Variants in WWP2 observed in about 807,000 individuals in gnomAD.
The protein encoded by WWP2 is WW domain containing E3 ubiquitin protein ligase 2.
A neutral mutation model predicts 121.0 loss-of-function variants in WWP2; 57 were observed. The observed-to-expected ratio is 0.47, with a 90% CI of 0.38 to 0.59. The LOEUF is 0.59. Ranked by LOEUF, WWP2 falls within the 20% of genes least tolerant of loss-of-function variation. The pLI is 0.00. For synonymous variants in WWP2, 449 were observed against 441.3 expected, an observed-to-expected ratio of 1.02 and a Z score of -0.22; for missense variants, 962 against 1,158.9, an observed-to-expected ratio of 0.83 and a Z score of 2.47.
intron 6 of WWP2, among the ~76,000 whole-genome samples, chr16:69,866,223 A>C (rs1392642320): frequency 2.6e-5 from 4 of 152,006 alleles, no homozygotes; most frequent in Non-Finnish European, 5.9e-5. Context: ...CAGGAGTTTA[A>C]AATTTTTGAT....
intron 10 of WWP2, 63 bp downstream of exon 10, chr16:69,917,946 A>G (rs202206764): frequency 1.4e-5 from 14 of 1,014,016 alleles, no homozygotes; most frequent in Non-Finnish European, 1.9e-5. Flanking sequence ...ATGTGCAGCC[A>G]CGTGTTCTCT....
chr16:69,788,408 C>T (rs959249504), intron 2 of WWP2, among the ~76,000 whole-genome samples: 2 of 152,170 alleles, frequency 1.3e-5, no homozygotes, highest in South Asian at 4.1e-4. Context: ...AGCCGAAGCT[C>T]CCATGTGATG....
intron 8 of WWP2, among the ~76,000 whole-genome samples, chr16:69,899,357 A>G (rs1342720804): frequency 6.6e-6 from 1 of 152,120 alleles, no homozygotes; most frequent in African/African-American, 2.4e-5. Context: ...CAACAACAAC[A>G]ACAACACAAA....
In WWP2 at chr16:69,799,302, A is replaced by G. The variant is rs942131533; in HGVS notation, c.340+7A>G. On this transcript the variant is annotated splice_region_variant and intron_variant, in intron 4 of 23. Transcript: ENST00000359154. The surrounding 1 kb of genome is among the most constrained non-coding windows in gnomAD (Gnocchi z 4.5). Reference sequence around the variant, plus strand: ...AAGAACAATGGGGGCAAAAGTACGTATGATGAAGGGGGTGCCGACGTGATT... The same window carrying G: ...AAGAACAATGGGGGCAAAAGTACGTGTGATGAAGGGGGTGCCGACGTGATT... 73 of 1,612,750 alleles carry G rather than the reference A, an allele frequency of 4.5e-5. No homozygotes were observed. Among genetic ancestry groups the G allele is most frequent in the Non-Finnish European group, 5.6e-5 (66 of 1,179,498 alleles).
At chr16:69,917,621 G>A (rs138376334) in intron 9 of WWP2, 88 bp from the exon 10 acceptor site, 17 of 1,492,568 alleles carry the variant, frequency 1.1e-5, no homozygotes, top group African/African-American at 1.1e-4. Context: ...GGGCCTGCCC[G>A]GCTGTGCTAG....
At chr16:69,842,514 A>G (rs140738594) in intron 6 of WWP2, among the ~76,000 whole-genome samples, 65 of 151,966 alleles carry the variant, frequency 4.3e-4, no homozygotes, top group African/African-American at 1.5e-3. Context: ...AGTGTTTATT[A>G]TTTCTATCTT....
chr16:69,847,386 TTTTA>T (rs954180007), intron 6 of WWP2, among the ~76,000 whole-genome samples: 3 of 147,872 alleles, frequency 2.0e-5, no homozygotes, highest in Non-Finnish European at 4.5e-5. Context: ...TGCCCTGCCT[TTTTA>T]TTTATTTTTC....
At chr16:69,818,655 A>G (rs115756693) in intron 4 of WWP2, among the ~76,000 whole-genome samples, 2,947 of 152,180 alleles carry the variant, frequency 0.019, 83 homozygotes, top group African/African-American at 0.064. Flanking sequence ...GACACAATGA[A>G]TCGATCCTTC....
At chr16:69,903,721 T>C (rs2058241567) in intron 8 of WWP2, among the ~76,000 whole-genome samples, 1 of 151,018 alleles carries the variant, frequency 6.6e-6, no homozygotes, top group Non-Finnish European at 1.5e-5. Flanking sequence ...TGAGCCGAGA[T>C]TGCGCCACTG....
At chr16:69,833,082 C>T (rs1203596428) in intron 4 of WWP2, among the ~76,000 whole-genome samples, 2 of 152,146 alleles carry the variant, frequency 1.3e-5, no homozygotes, top group Non-Finnish European at 2.9e-5. Flanking sequence ...TGGTCTCAAA[C>T]TCTTGGACTC....
rs373476876 is a variant in WWP2 at position 69,788,786 on chromosome 16, A to G, written c.70+1706A>G. Among the ~76,000 whole-genome samples, 141 of 152,246 alleles carry G rather than the reference A, an allele frequency of 9.3e-4. 2 individuals carry two copies. The South Asian group carries it at 0.028, about 30-fold the overall frequency. Reference sequence around the variant, plus strand: ...GTAAGAGATTTTTGTCGCTTTGGTCACTGTTAACTACCCCAGCCAGTAGAA... The same window carrying G: ...GTAAGAGATTTTTGTCGCTTTGGTCGCTGTTAACTACCCCAGCCAGTAGAA... On this transcript the variant is annotated intron_variant, in intron 2 of 23. Coordinates refer to ENST00000359154, the MANE Select transcript of WWP2 (RefSeq NM_001270454.2).
chr16:69,818,943 G>A (rs985552529), intron 4 of WWP2, among the ~76,000 whole-genome samples: 2 of 152,134 alleles, frequency 1.3e-5, no homozygotes, highest in Admixed American at 1.3e-4. Context: ...CAGTATTTAC[G>A]TCTAATTAAC....
intron 2 of WWP2, among the ~76,000 whole-genome samples, chr16:69,797,840 A>G (rs1356398739): frequency 6.6e-6 from 1 of 152,048 alleles, no homozygotes; most frequent in Non-Finnish European, 1.5e-5. Flanking sequence ...GTGAGCCGAG[A>G]TTGTGGCATT....
intron 4 of WWP2, among the ~76,000 whole-genome samples, chr16:69,823,901 C>T (rs1250113541): frequency 1.3e-5 from 2 of 152,238 alleles, no homozygotes; most frequent in African/African-American, 4.8e-5. Context: ...GGCACAGGGG[C>T]GTTGGGCCAT....
intron 10 of WWP2, among the ~76,000 whole-genome samples, chr16:69,922,718 G>C (rs2058581168): frequency 2.0e-5 from 3 of 152,090 alleles, no homozygotes; most frequent in Non-Finnish European, 4.4e-5. Context: ...ATTTCTTCTT[G>C]TTCCTTCCTT....
At chr16:69,880,827 A>G (rs1264409013) in intron 7 of WWP2, among the ~76,000 whole-genome samples, 2 of 152,156 alleles carry the variant, frequency 1.3e-5, no homozygotes, top group Admixed American at 6.6e-5. Context: ...TTCTGTTGTT[A>G]TTGGTGCTGG....
rs921949426 is a variant in WWP2, at chr16:69,940,032, C to T, written c.*92C>T. The T allele has an allele frequency of 9.4e-7, 1 of 1,061,624 alleles. No homozygotes were observed. The highest frequency in any genetic ancestry group is 1.6e-5 in the African/African-American group (1 of 63,134). The allele number at this position is 1,061,624 out of a possible 1,614,324, so 65.8% of individuals were successfully genotyped here. ...ACTGGCCCCGCAGCCCTTGGGAGGC[C>T]CCCGTGGATGTGGCCCTGTGTGGGA... is the stretch of plus-strand genomic sequence containing the variant. On this transcript the variant is annotated 3_prime_UTR_variant, in exon 24 of 24. Transcript: ENST00000359154.
rs148496890 is a variant in WWP2, at chr16:69,797,246, G to A, written c.71-1436G>A. Among the ~76,000 whole-genome samples the A allele has an allele frequency of 1.9e-3, 290 of 152,320 alleles. 2 individuals carry two copies. The highest frequency in any genetic ancestry group is 6.6e-3 in the African/African-American group (274 of 41,558). ...TTGTTGCCACATGAAGGCTATGAGC[G>A]GAAGAAGAAATGTAGATGACTAACG... On this transcript the variant is annotated intron_variant, in intron 2 of 23. Transcript: ENST00000359154.
rs752956957 is a variant in WWP2, at chr16:69,935,665, A to G, written c.1843-188A>G. Reference sequence around the variant, plus strand: ...GCAGGGTGGGAGTCCCTCTGTAGGTACAAGTCAGGATAAAGGCGTTGTTTA... The same window carrying G: ...GCAGGGTGGGAGTCCCTCTGTAGGTGCAAGTCAGGATAAAGGCGTTGTTTA... On this transcript the variant is annotated intron_variant, in intron 17 of 23. Transcript: ENST00000359154. The surrounding 1 kb of genome is among the most constrained non-coding windows in gnomAD (Gnocchi z 5.2). 1.3e-5 allele frequency among the ~76,000 whole-genome samples: 2 copies of G among 152,188 alleles called. No individual in the cohort carries two copies. The highest frequency in any genetic ancestry group is 4.8e-5 in the African/African-American group (2 of 41,446).
Sources: allele counts gnomAD v4.1 joint callset (sites outside exome capture counted in the v4.1 genomes callset), GRCh38; gene constraint gnomAD v4.1.1; non-coding constraint Gnocchi (gnomAD v3.1); transcripts MANE v1.5; gene names NCBI Gene and HGNC (gene_info 2026-07-23, HGNC 2026-07-21).